VEZT: variants seen among roughly 807,000 people sequenced by gnomAD.
The protein encoded by VEZT is vezatin.
A neutral mutation model predicts 79.9 loss-of-function variants in VEZT; 39 were observed. That is an observed-to-expected ratio of 0.49 (90% CI 0.38 to 0.64). VEZT has a LOEUF of 0.64. Ranked by LOEUF, VEZT falls within the 30% of genes least tolerant of loss-of-function variation. VEZT has a pLI of 0.00. For missense variants in VEZT, 837 were observed against 893.1 expected, an observed-to-expected ratio of 0.94 and a Z score of 0.80; for synonymous variants, 325 against 327.6, an observed-to-expected ratio of 0.99 and a Z score of 0.09.
intron 3 of VEZT, 89 bp from the exon 4 acceptor site, chr12:95,262,817 A>G: frequency 8.1e-7 from 1 of 1,228,268 alleles, no homozygotes; most frequent in Non-Finnish European, 1.1e-6. Context: ...AATAAACACC[A>G]CCAAATTTTA....
intron 1 of VEZT, among the ~76,000 whole-genome samples, chr12:95,240,438 C>T (rs1213468841): frequency 6.6e-6 from 1 of 152,106 alleles, no homozygotes; most frequent in African/African-American, 2.4e-5. Context: ...AACAGCTTAG[C>T]TCAGCTATTC....
rs2075208857 is a variant in VEZT, at chr12:95,301,512, A to G, written c.*839A>G. 1 of 152,156 alleles carries G rather than the reference A, an allele frequency of 6.6e-6. No homozygotes were observed. The highest frequency in any genetic ancestry group is 1.5e-5 in the Non-Finnish European group (1 of 68,026). The allele number at this position is 152,156 out of a possible 1,614,324, so 9.4% of individuals were successfully genotyped here. ...CTGTTTTCTAGCCCTGTCCACCATAATGAGATTCAGGAAACATCCTGTCAG... is the reference window on the plus strand; with the variant it reads ...CTGTTTTCTAGCCCTGTCCACCATAGTGAGATTCAGGAAACATCCTGTCAG... On this transcript the variant is annotated 3_prime_UTR_variant, in exon 12 of 12. Coordinates refer to ENST00000436874, the MANE Select transcript of VEZT (RefSeq NM_017599.4).
intron 1 of VEZT, among the ~76,000 whole-genome samples, chr12:95,235,686 C>T (rs1294721061): frequency 2.0e-5 from 3 of 150,556 alleles, no homozygotes; most frequent in Non-Finnish European, 3.0e-5. Flanking sequence ...CCACCTCCCT[C>T]CCGGACGGGG....
intron 3 of VEZT, chr12:95,258,243 AG>A (rs759785917): frequency 7.0e-5 from 32 of 455,728 alleles, no homozygotes; most frequent in South Asian, 5.0e-4. Flanking sequence ...ATTTTTATCC[AG>A]GTGGAGCCAT....
intron 1 of VEZT, among the ~76,000 whole-genome samples, chr12:95,247,872 A>G (rs2061933239): frequency 2.0e-5 from 3 of 152,216 alleles, no homozygotes; most frequent in Admixed American, 6.5e-5. Context: ...AGGAAGTAAT[A>G]TGATTTGCAC....
chr12:95,220,453 C>A (rs10859852), intron 1 of VEZT, among the ~76,000 whole-genome samples: 40,001 of 151,740 alleles, frequency 0.26, 5,557 homozygotes, highest in African/African-American at 0.35. Flanking sequence ...CAGACTCTGC[C>A]CCAAAAAAAT....
At chr12:95,298,809 C>T (rs1482584642) in intron 11 of VEZT, 1 of 152,162 alleles carries the variant, frequency 6.6e-6, no homozygotes, top group African/African-American at 2.4e-5. Flanking sequence ...TAAGAATGTA[C>T]ATATATTGAA....
rs150734924 is a variant in VEZT, at chr12:95,267,925, G to A, written c.710+1293G>A. ...AGTCCCAGCTACTCGGGAGGCTGAG[G>A]TGTGAGGATTGCTTAAACCCCAGGA... On this transcript the variant is annotated intron_variant, in intron 5 of 11. Transcript: ENST00000436874. 2.3e-3 allele frequency among the ~76,000 whole-genome samples: 356 copies of A among 152,176 alleles called. 1 individual carries two copies. The highest frequency in any genetic ancestry group is 4.3e-3 in the Non-Finnish European group (293 of 68,004).
intron 1 of VEZT, among the ~76,000 whole-genome samples, chr12:95,243,092 G>A (rs1028400413): frequency 3.3e-5 from 5 of 151,876 alleles, no homozygotes; most frequent in African/African-American, 1.2e-4. Context: ...AAACTCCATG[G>A]CCAGGCCTGG....
Position 95,266,606 on chromosome 12 carries a change from C to T in VEZT, c.684C>T (p.Thr228=), listed in dbSNP as rs200887365. ...AAGCTTTACGTCTCATTCAAGAAAC[C>T]GAAGTGATTTCCAGAGGATTTACAC... is the stretch of plus-strand genomic sequence containing the variant. ...VRKALRLIQE[T]EVISRGFTLV... Residue 228 remains threonine (T), a synonymous_variant, in exon 5 of 12, where the codon ACC becomes ACT. Coordinates refer to ENST00000436874, the MANE Select transcript of VEZT (RefSeq NM_017599.4). 357 of 1,611,634 alleles carry T rather than the reference C, an allele frequency of 2.2e-4. 1 individual carries two copies. Among genetic ancestry groups the T allele is most frequent in the Non-Finnish European group, 2.8e-4 (325 of 1,179,306 alleles).
chr12:95,225,847 A>T (rs2058396654), intron 1 of VEZT, among the ~76,000 whole-genome samples: 1 of 151,004 alleles, frequency 6.6e-6, no homozygotes, highest in Non-Finnish European at 1.5e-5. Context: ...AAATGAAAGA[A>T]CAAGGCCAGC....
At chr12:95,224,792 TGGTTTTTGGCA>T (rs2058169916) in intron 1 of VEZT, among the ~76,000 whole-genome samples, 1 of 152,258 alleles carries the variant, frequency 6.6e-6, no homozygotes, top group Non-Finnish European at 1.5e-5. Context: ...GCACAGTGAC[TGGTTTTTGGCA>T]CCAGGGACTT....
At chr12:95,237,234 C>G (rs2060313608) in intron 1 of VEZT, among the ~76,000 whole-genome samples, 1 of 152,096 alleles carries the variant, frequency 6.6e-6, no homozygotes, top group African/African-American at 2.4e-5. Context: ...CTTGGTCTCT[C>G]TGTGCCTTAG....
intron 1 of VEZT, among the ~76,000 whole-genome samples, chr12:95,227,747 T>C (rs1399733544): frequency 6.6e-6 from 1 of 152,222 alleles, no homozygotes; most frequent in Non-Finnish European, 1.5e-5. Flanking sequence ...CATGAACGAC[T>C]GCACCGGGCC....
intron 7 of VEZT, among the ~76,000 whole-genome samples, chr12:95,281,951 T>G (rs563763088): frequency 3.2e-4 from 48 of 152,100 alleles, no homozygotes; most frequent in African/African-American, 1.1e-3. Context: ...TATATATATA[T>G]ATGTATATAT....
At chr12:95,291,390 C>A (rs2072769798) in intron 9 of VEZT, among the ~76,000 whole-genome samples, 2 of 152,166 alleles carry the variant, frequency 1.3e-5, no homozygotes, top group African/African-American at 2.4e-5. Flanking sequence ...GACTTTAAAT[C>A]CACCTGTATT....
chr12:95,288,511 ATATT>A (rs2071606390), intron 9 of VEZT, among the ~76,000 whole-genome samples: 1 of 152,176 alleles, frequency 6.6e-6, no homozygotes, highest in Non-Finnish European at 1.5e-5. Context: ...AATCAGTACC[ATATT>A]TATCTCTTGG....
At chr12:95,272,301 G>A (rs1344286806) in intron 6 of VEZT, among the ~76,000 whole-genome samples, 1 of 152,206 alleles carries the variant, frequency 6.6e-6, no homozygotes, top group African/African-American at 2.4e-5. Flanking sequence ...GATGGTAAGA[G>A]AAGGCCTCTC....
rs560631639 is a variant in VEZT at position 95,229,222 on chromosome 12, G to A, written c.36+11336G>A. Among the ~76,000 whole-genome samples the A allele has an allele frequency of 1.3e-3, 203 of 152,216 alleles. 1 individual carries two copies. Among genetic ancestry groups the A allele is most frequent in the African/African-American group, 4.7e-3 (197 of 41,542 alleles). On this transcript the variant is annotated intron_variant, in intron 1 of 11. Coordinates refer to ENST00000436874, the MANE Select transcript of VEZT (RefSeq NM_017599.4). ...TTCTGTTTTATGTCTAAACATTCAAGAAAAGTAGGTAGTTCTCTCTTTTAT... is the reference window on the plus strand; with the variant it reads ...TTCTGTTTTATGTCTAAACATTCAAAAAAAGTAGGTAGTTCTCTCTTTTAT...
Sources: gnomAD v4.1 joint callset for allele counts (sites outside exome capture counted in the v4.1 genomes callset) on GRCh38, gnomAD v4.1.1 for gene constraint, MANE v1.5 for transcripts, NCBI Gene and HGNC (gene_info 2026-07-23, HGNC 2026-07-21) for gene names.